ITPKC: variants seen among roughly 807,000 people sequenced by gnomAD.
The protein encoded by ITPKC is inositol-trisphosphate 3-kinase C.
A neutral mutation model predicts 67.1 loss-of-function variants in ITPKC; 33 were observed. The ratio of observed to expected loss-of-function variants is 0.49; its 90% CI spans 0.37 to 0.66. The LOEUF (loss-of-function observed/expected upper bound fraction) is 0.66. Among genes scored for constraint, ITPKC ranks in the 30% least tolerant of loss-of-function variants. ITPKC has a pLI of 0.00. For synonymous variants in ITPKC, 341 were observed against 359.8 expected, an observed-to-expected ratio of 0.95 and a Z score of 0.59; for missense variants, 820 against 892.1, an observed-to-expected ratio of 0.92 and a Z score of 1.03.
At chr19:40,736,603 A>G (rs1412407322) in intron 4 of ITPKC, among the ~76,000 whole-genome samples, 2 of 151,958 alleles carry the variant, frequency 1.3e-5, no homozygotes, top group African/African-American at 4.8e-5. Context: ...TCCCGGGTTT[A>G]AGCGATTTTC....
At chr19:40,729,792 A>G (rs1477236291) in intron 3 of ITPKC, among the ~76,000 whole-genome samples, 1 of 151,802 alleles carries the variant, frequency 6.6e-6, no homozygotes, top group Non-Finnish European at 1.5e-5. Flanking sequence ...AAAAGAAAAG[A>G]AAATAGCGCC....
intron 1 of ITPKC, among the ~76,000 whole-genome samples, chr19:40,721,158 C>G (rs1303287058): frequency 2.6e-5 from 4 of 152,030 alleles, no homozygotes; most frequent in African/African-American, 9.7e-5. Context: ...GACCAAGACA[C>G]TCATGGAGCT....
chr19:40,736,770 A>T (rs1215755878), intron 4 of ITPKC, among the ~76,000 whole-genome samples: 1 of 151,298 alleles, frequency 6.6e-6, no homozygotes, highest in African/African-American at 2.4e-5. Flanking sequence ...CTCCCAAAGC[A>T]CTGGGATTAT....
At chr19:40,720,779 T>C (rs898045921) in intron 1 of ITPKC, among the ~76,000 whole-genome samples, 1 of 152,094 alleles carries the variant, frequency 6.6e-6, no homozygotes, top group Non-Finnish European at 1.5e-5. Flanking sequence ...TTGTCCTGCC[T>C]CCACGCATTG....
intron 3 of ITPKC, among the ~76,000 whole-genome samples, chr19:40,731,523 C>T (rs968183148): frequency 1.3e-5 from 2 of 151,452 alleles, no homozygotes; most frequent in Non-Finnish European, 2.9e-5. Context: ...CTTCCATGCC[C>T]TCCCTGGGCG....
At chr19:40,727,456 A>G (rs188763035) in intron 2 of ITPKC, among the ~76,000 whole-genome samples, 368 of 152,362 alleles carry the variant, frequency 2.4e-3, no homozygotes, top group African/African-American at 7.4e-3. Flanking sequence ...TATTGACCTC[A>G]GAAGTTTTGG....
In ITPKC at chr19:40,733,298, C is replaced by T. The variant is rs1340858011; in HGVS notation, c.1608C>T (p.Arg536=). 4 of 1,613,960 alleles carry T rather than the reference C, an allele frequency of 2.5e-6. No individual in the cohort carries two copies. Among genetic ancestry groups the T allele is most frequent in the Middle Eastern group, 3.3e-4 (2 of 6,062 alleles). Residue 536 remains arginine (R), a synonymous_variant, in exon 4 of 7, where the codon CGC becomes CGT. Coordinates refer to ENST00000263370, the MANE Select transcript of ITPKC (RefSeq NM_025194.3). ...EHAQGAVTKP[R]YMQWRETMSS... ...CCCAGGGTGCAGTCACCAAGCCCCG[C>T]TACATGCAGTGGAGGGAAACCATGA...
At chr19:40,724,810 A>G (rs943821411) in intron 1 of ITPKC, among the ~76,000 whole-genome samples, 4 of 151,966 alleles carry the variant, frequency 2.6e-5, no homozygotes, top group Non-Finnish European at 5.9e-5. Flanking sequence ...TTAGCCAGAC[A>G]TGGTGGCATG....
At chr19:40,733,402 C>T in intron 4 of ITPKC, 38 bp downstream of exon 4, 1 of 1,554,604 alleles carries the variant, frequency 6.4e-7, no homozygotes, top group Non-Finnish European at 8.7e-7. Flanking sequence ...CCCGGGAAGG[C>T]CTATAGCCAG....
rs115476631 is a variant in ITPKC, at chr19:40,725,193, C to T, written c.1156-147C>T. ...TGCCGAACTAAGTGGGGCTCACTCA[C>T]CCCAACAAGCCTGGGAACAGTGATC... is the stretch of plus-strand genomic sequence containing the variant. On this transcript the variant is annotated intron_variant, in intron 1 of 6. Coordinates refer to ENST00000263370, the MANE Select transcript of ITPKC (RefSeq NM_025194.3). 3.3e-3 allele frequency: 2,071 copies of T among 626,918 alleles called. 45 individuals carry two copies. In the African/African-American group the frequency reaches 0.034, roughly 10 times the overall value. The allele number at this position is 626,918 out of a possible 1,614,324, so 38.8% of individuals were successfully genotyped here. A position where few individuals can be genotyped will look rare whatever the true frequency, so the allele number is the denominator to read the frequency against.
intron 1 of ITPKC, among the ~76,000 whole-genome samples, chr19:40,720,169 C>T (rs2082214787): frequency 6.6e-6 from 1 of 151,860 alleles, no homozygotes; most frequent in African/African-American, 2.4e-5. Flanking sequence ...AGTTCAAGAC[C>T]AGCCTGGCCA....
At chr19:40,726,528 A>G (rs1169431997) in intron 2 of ITPKC, among the ~76,000 whole-genome samples, 1 of 152,240 alleles carries the variant, frequency 6.6e-6, no homozygotes, top group Admixed American at 6.5e-5. Context: ...CTATGTAAAC[A>G]TATGAGTGTG....
At chr19:40,733,444 G>C in intron 4 of ITPKC, 80 bp downstream of exon 4, 1 of 1,364,312 alleles carries the variant, frequency 7.3e-7, no homozygotes, top group African/African-American at 1.4e-5. Context: ...GGAAAGCCAC[G>C]AGAGAGTGCA....
At chr19:40,718,564 A>G (rs1234958369) in intron 1 of ITPKC, among the ~76,000 whole-genome samples, 1 of 152,144 alleles carries the variant, frequency 6.6e-6, no homozygotes, top group African/African-American at 2.4e-5. Context: ...TATGGGGCCC[A>G]GGAACCCCTG....
chr19:40,733,134 CT>C (rs781380062), intron 3 of ITPKC, 25 bp from the exon 4 acceptor site: 2 of 1,606,216 alleles, frequency 1.2e-6, no homozygotes, highest in Non-Finnish European at 1.7e-6. Context: ...ACATAATTTC[CT>C]TTGTCACATC....
At chr19:40,718,498 C>T (rs1378779943) in intron 1 of ITPKC, among the ~76,000 whole-genome samples, 1 of 152,160 alleles carries the variant, frequency 6.6e-6, no homozygotes, top group Non-Finnish European at 1.5e-5. Flanking sequence ...CTCCTTTCCC[C>T]TTCCTGCACT....
chr19:40,733,134 C>T (rs757197273), intron 3 of ITPKC, 26 bp from the exon 4 acceptor site: 32 of 1,606,216 alleles, frequency 2.0e-5, no homozygotes, highest in Non-Finnish European at 2.6e-5. Flanking sequence ...ACATAATTTC[C>T]TTTGTCACAT....
At chr19:40,729,111 G>C in intron 2 of ITPKC, 91 bp from the exon 3 acceptor site, 1 of 966,700 alleles carries the variant, frequency 1.0e-6, no homozygotes, top group Non-Finnish European at 1.6e-6. Context: ...GCAAGATAAT[G>C]GTGGCCAGGA....
At chr19:40,734,108 T>C (rs1402963813) in intron 4 of ITPKC, among the ~76,000 whole-genome samples, 1 of 152,198 alleles carries the variant, frequency 6.6e-6, no homozygotes, top group African/African-American at 2.4e-5. Flanking sequence ...ATCCGAAATG[T>C]TCCTCAGTAC....
Sources: allele counts gnomAD v4.1 joint callset (sites outside exome capture counted in the v4.1 genomes callset), GRCh38; gene constraint gnomAD v4.1.1; transcripts MANE v1.5; gene names NCBI Gene and HGNC (gene_info 2026-07-23, HGNC 2026-07-21).